NR4A3: variants seen among roughly 807,000 people sequenced by gnomAD.
NR4A3 encodes chondrosarcoma, extraskeletal myxoid, fused to EWS.
In NR4A3, 13 loss-of-function variants were observed where a neutral mutation model predicts 55.6. That is an observed-to-expected ratio of 0.23 (90% CI 0.15 to 0.37). NR4A3 has a LOEUF of 0.37. Among genes scored for constraint, NR4A3 ranks in the 10% least tolerant of loss-of-function variants. NR4A3 has a pLI of 1.00. For missense variants in NR4A3, 646 were observed against 822.8 expected, an observed-to-expected ratio of 0.79 and a Z score of 2.63; for synonymous variants, 342 against 357.9, an observed-to-expected ratio of 0.96 and a Z score of 0.50.
chr9:99,842,127 T>TTTC (rs933517857), intron 5 of NR4A3, among the ~76,000 whole-genome samples: 2 of 149,938 alleles, frequency 1.3e-5, no homozygotes, highest in African/African-American at 4.9e-5. Flanking sequence ...TTTTTTTTTT[T>TTTC]AGTTATTTAA....
In NR4A3 at chr9:99,866,735, G is replaced by C. The variant is rs763703972; in HGVS notation, c.*2868G>C. On this transcript the variant is annotated 3_prime_UTR_variant, in exon 8 of 8. Coordinates refer to ENST00000395097, the MANE Select transcript of NR4A3 (RefSeq NM_006981.4). ...GGAAGCCACCAGCTGTTAATGGAGA[G>C]TGCCTTGCTTTTATTTCAGACAGCA... The C allele has an allele frequency of 4.5e-6, 1 of 222,036 alleles. No individual in the cohort carries two copies. 13.8% of individuals were successfully genotyped at this position (222,036 alleles called of 1,614,324 possible). A position where few individuals can be genotyped will look rare whatever the true frequency, so the allele number is the denominator to read the frequency against.
chr9:99,831,276 A>G (rs976092392), intron 3 of NR4A3, among the ~76,000 whole-genome samples: 4 of 152,212 alleles, frequency 2.6e-5, no homozygotes, highest in African/African-American at 2.4e-5. Context: ...TGCATGTTCA[A>G]TGAAAGCTTT....
chr9:99,863,499 CT>C, intron 7 of NR4A3, 120 bp from the exon 8 acceptor site: 1 of 1,254,362 alleles, frequency 8.0e-7, no homozygotes, highest in South Asian at 1.5e-5. Context: ...AGGGAGGGCA[CT>C]TTGATTGCAA....
At chr9:99,858,330 GACTCCTTCTTCCC>G (rs1827961288) in intron 7 of NR4A3, among the ~76,000 whole-genome samples, 1 of 152,128 alleles carries the variant, frequency 6.6e-6, no homozygotes, top group Non-Finnish European at 1.5e-5. Context: ...CTCTCCCCCT[GACTCCTTCTTCCC>G]TGGTTCCACC....
intron 7 of NR4A3, among the ~76,000 whole-genome samples, chr9:99,860,785 T>C (rs1049274869): frequency 1.7e-4 from 26 of 152,228 alleles, no homozygotes; most frequent in African/African-American, 5.3e-4. Flanking sequence ...TGTTAGACCT[T>C]GTAGTTACCA....
chr9:99,848,852 T>C (rs1377378856), intron 7 of NR4A3, among the ~76,000 whole-genome samples: 3 of 151,378 alleles, frequency 2.0e-5, no homozygotes, highest in Non-Finnish European at 2.9e-5. Flanking sequence ...CGGGGGAGAG[T>C]TTCCTGTTAG....
At position 99,830,757 on chromosome 9, in the gene NR4A3, G is replaced by A. The variant is rs144221639; in HGVS notation, c.951+1764G>A. Among the ~76,000 whole-genome samples the A allele has an allele frequency of 1.8e-3, 278 of 152,314 alleles. 1 individual carries two copies. The highest frequency in any genetic ancestry group is 6.5e-3 in the African/African-American group (272 of 41,552). On this transcript the variant is annotated intron_variant, in intron 3 of 7. Coordinates refer to ENST00000395097, the MANE Select transcript of NR4A3 (RefSeq NM_006981.4). ...TTTTTACAGGATTTCAGTGGAAAAT[G>A]CTGAAGGACAGTGAAACTGGCAGCA...
chr9:99,841,981 T>G (rs972669067), intron 5 of NR4A3, among the ~76,000 whole-genome samples: 2 of 152,056 alleles, frequency 1.3e-5, no homozygotes, highest in South Asian at 4.2e-4. Context: ...AAAAAAAATT[T>G]TTTTTGAGGA....
chr9:99,833,991 T>A lies in NR4A3; in HGVS notation c.1254+537T>A, dbSNP rs141607281. ...CGCCACCTCTGCTACTTCCTGCCTG[T>A]GTCACCTGGTTCCTGCTTTTGGCTC... On this transcript the variant is annotated intron_variant, in intron 5 of 7. Transcript: ENST00000395097. 327 of 1,129,076 alleles carry A rather than the reference T, an allele frequency of 2.9e-4. 2 individuals are homozygous for A. In the African/African-American group the frequency reaches 4.6e-3, roughly 16 times the overall value. 69.9% of individuals were successfully genotyped at this position (1,129,076 alleles called of 1,614,324 possible).
Position 99,826,649 on chromosome 9 carries a change from A to G in NR4A3, c.-3+817A>G, listed in dbSNP as rs553617594. 35 of 790,888 alleles carry G rather than the reference A, an allele frequency of 4.4e-5. No individual in the cohort carries two copies. The African/African-American group carries it at 5.7e-4, about 13-fold the overall frequency. The allele number at this position is 790,888 out of a possible 1,614,324, so 49.0% of individuals were successfully genotyped here. A position where few individuals can be genotyped will look rare whatever the true frequency, so the allele number is the denominator to read the frequency against. On this transcript the variant is annotated intron_variant, in intron 2 of 7. Transcript: ENST00000395097. ...AGCAAGATAAGTAACTGGACTTCAAACTAGTGAGTGTATTTTTAAGGCCCT... is the reference window on the plus strand; with the variant it reads ...AGCAAGATAAGTAACTGGACTTCAAGCTAGTGAGTGTATTTTTAAGGCCCT...
chr9:99,861,191 C>T (rs779313489), intron 7 of NR4A3, among the ~76,000 whole-genome samples: 5 of 152,202 alleles, frequency 3.3e-5, no homozygotes, highest in South Asian at 2.1e-4. Context: ...ATGGAGATCC[C>T]GCTGGCAATC....
At chr9:99,843,546 C>T (rs920872110) in intron 5 of NR4A3, among the ~76,000 whole-genome samples, 1 of 152,080 alleles carries the variant, frequency 6.6e-6, no homozygotes, top group African/African-American at 2.4e-5. Context: ...GGGCCAGGCA[C>T]GGTGTCTTAT....
In NR4A3 at chr9:99,828,195, C is replaced by T. The variant is rs1564029774; in HGVS notation, c.153C>T (p.Ala51=). 6.2e-7 allele frequency: 1 copy of T among 1,614,146 alleles called. No individual in the cohort carries two copies. ...GCAGCACTGAGATCACGGCTACAGC[C>T]ACCACGTCCCTGCCCAGCATCAGTA... ...DLGSTEITAT[A]TTSLPSISTF... is the part of the protein sequence containing the mutation. The change falls in exon 3 of 8, where the codon GCC becomes GCT. Residue 51 remains alanine (A), a synonymous_variant. Coordinates refer to ENST00000395097, the MANE Select transcript of NR4A3 (RefSeq NM_006981.4). The surrounding 1 kb of genome is among the most constrained non-coding windows in gnomAD (Gnocchi z 7.7).
intron 6 of NR4A3, among the ~76,000 whole-genome samples, chr9:99,846,292 G>C (rs764282001): frequency 1.2e-4 from 18 of 152,278 alleles, no homozygotes; most frequent in Admixed American, 2.6e-4. Context: ...CCTGTGTACT[G>C]GGCACCATGC....
chr9:99,839,892 A>G (rs1263341787), intron 5 of NR4A3, among the ~76,000 whole-genome samples: 1 of 152,228 alleles, frequency 6.6e-6, no homozygotes, highest in African/African-American at 2.4e-5. Flanking sequence ...CAGAGCAATC[A>G]ATGTAGGGCA....
intron 7 of NR4A3, among the ~76,000 whole-genome samples, chr9:99,852,695 T>A (rs1564037881): frequency 1.3e-5 from 2 of 152,186 alleles, no homozygotes; most frequent in Non-Finnish European, 1.5e-5. Flanking sequence ...AATGACTCCT[T>A]TCTCGTCTGA....
chr9:99,833,225 A>T, intron 4 of NR4A3, 57 bp from the exon 5 acceptor site: 1 of 1,530,520 alleles, frequency 6.5e-7, no homozygotes, highest in Non-Finnish European at 8.8e-7. Flanking sequence ...TTTGCGATTT[A>T]TGGTCGTTCA....
At chr9:99,843,976 A>T (rs1280074220) in intron 5 of NR4A3, among the ~76,000 whole-genome samples, 2 of 151,698 alleles carry the variant, frequency 1.3e-5, no homozygotes, top group Non-Finnish European at 2.9e-5. Context: ...CTGGTCTCGA[A>T]CTCCTGACCT....
At chr9:99,834,314 A>G (rs1827510546) in intron 5 of NR4A3, among the ~76,000 whole-genome samples, 1 of 152,198 alleles carries the variant, frequency 6.6e-6, no homozygotes, top group South Asian at 2.1e-4. Context: ...TCTTTAAAGG[A>G]CTTAGAAAAC....
Sources: allele counts gnomAD v4.1 joint callset (sites outside exome capture counted in the v4.1 genomes callset), GRCh38; gene constraint gnomAD v4.1.1; non-coding constraint Gnocchi (gnomAD v3.1); transcripts MANE v1.5; gene names NCBI Gene and HGNC (gene_info 2026-07-23, HGNC 2026-07-21).